The following RNF213 variants were observed in gnomAD, a reference collection of about 807,000 sequenced individuals.
The protein encoded by RNF213 is ring finger protein 213, also known as E3 ubiquitin-protein ligase RNF213.
Under a neutral mutation model 514.4 loss-of-function variants are expected in RNF213, and 341 were observed. The observed-to-expected ratio is 0.66, with a 90% confidence interval of 0.61 to 0.73. The LOEUF (loss-of-function observed/expected upper bound fraction) is 0.73, where lower values mean the gene tolerates loss of function less well. Ranked by LOEUF, RNF213 falls within the 30% of genes least tolerant of loss-of-function variation. RNF213 has a pLI of 0.00. For synonymous variants in RNF213, 2,655 were observed against 2,658.2 expected, an observed-to-expected ratio of 1.00 and a Z score of 0.04; for missense variants, 5,767 against 6,615.6, an observed-to-expected ratio of 0.87 and a Z score of 4.45.
chr17:80,351,957 C>T (rs574373417), intron 32 of RNF213, 154 bp downstream of exon 32: 27 of 526,234 alleles, frequency 5.1e-5, no homozygotes, highest in South Asian at 2.4e-4. Context: ...TGGGTTCAAG[C>T]GATTCTCCTG....
Position 80,332,232 on chromosome 17 carries a change from G to C in RNF213, c.3744G>C (p.Lys1248Asn). The change falls in exon 21 of 68, where the codon AAG (lysine) becomes AAC (asparagine). Residue 1248 changes from lysine (K) to asparagine (N), a missense_variant. This residue lies in a region of RNF213 where 516 missense variants were observed against 566.5 expected (regional missense o/e 0.91). Coordinates refer to ENST00000582970, the MANE Select transcript of RNF213 (RefSeq NM_001256071.3). Reference sequence around the variant, plus strand: ...CCGCAGAGCCGCTGAGTGAGCCTAAGGAGGACCAGGAAGCCGCAGAGTTGC... The same window carrying C: ...CCGCAGAGCCGCTGAGTGAGCCTAACGAGGACCAGGAAGCCGCAGAGTTGC... ...REAAEPLSEP[K>N]EDQEAAELLS... The C allele has an allele frequency of 1.3e-6, 2 of 1,537,222 alleles. No homozygotes were observed.
intron 54 of RNF213, among the ~76,000 whole-genome samples, chr17:80,378,494 C>G (rs2079853085): frequency 6.6e-6 from 1 of 152,122 alleles, no homozygotes; most frequent in Admixed American, 6.6e-5. Context: ...GGCTCTCTTA[C>G]CCAGGCTGGA....
chr17:80,385,158 C>G lies in RNF213; in HGVS notation c.14442C>G (p.Ser4814Arg), dbSNP rs61746605. The G allele has an allele frequency of 1.1e-3, 1,841 of 1,614,156 alleles. 23 individuals carry two copies. The African/African-American group carries it at 0.022, about 19-fold the overall frequency. ...ACAGCTCCATCAGAGGCTTCCTCAG[C>G]AAGCACAGCTCAGGTGTGGCTCTGC... The part of the protein sequence containing the change: ...VEYSSIRGFL[S>R]KHSSDGLRQL... Residue 4814 changes from serine (S) to arginine (R), a missense_variant, in exon 60 of 68, where the codon AGC becomes AGG. Ser to Arg is a moderately radical substitution (Grantham distance 110, BLOSUM62 -1). This residue lies in a region of RNF213 where 1,245 missense variants were observed against 1,339.0 expected (regional missense o/e 0.93). Transcript: ENST00000582970.
At chr17:80,374,984 TTAA>T (rs2079688591) in intron 50 of RNF213, 1 of 249,380 alleles carries the variant, frequency 4.0e-6, no homozygotes, top group Non-Finnish European at 8.1e-6. Context: ...GCATGTGTGT[TTAA>T]TAAAAATACA....
At chr17:80,298,220 C>T (rs751006111) in intron 10 of RNF213, 101 bp from the exon 11 acceptor site, 2 of 1,232,862 alleles carry the variant, frequency 1.6e-6, no homozygotes, top group Non-Finnish European at 2.3e-6. Flanking sequence ...GCTCCTCTTG[C>T]TCTGTGTGCA....
intron 67 of RNF213, 85 bp downstream of exon 67, chr17:80,390,281 C>A (rs777425765): frequency 7.0e-6 from 10 of 1,427,246 alleles, no homozygotes; most frequent in Non-Finnish European, 6.9e-6. Flanking sequence ...AAAAATAGTT[C>A]TTTTCTTACC....
rs1568155327 is a variant in RNF213, at chr17:80,375,769, A to AC, written c.13090dup (p.Gln4364ProfsTer14). On this transcript the variant is annotated frameshift_variant, in exon 51 of 68. Transcript: ENST00000582970. LOFTEE classifies it high-confidence loss of function. ...ACCCTTGATTTTGCAGGCCTGCAAG[A>AC]CCCCCCAAAGCCAGCAGTCAGCCTA... is the stretch of plus-strand genomic sequence containing the variant. 2.5e-6 allele frequency: 4 copies of AC among 1,612,790 alleles called. No individual in the cohort carries two copies. The highest frequency in any genetic ancestry group is 1.7e-6 in the Non-Finnish European group (2 of 1,179,256).
chr17:80,326,603 C>G (rs1271910182), intron 18 of RNF213, among the ~76,000 whole-genome samples: 1 of 152,184 alleles, frequency 6.6e-6, no homozygotes, highest in African/African-American at 2.4e-5. Flanking sequence ...TGCTCCACCC[C>G]TCCCATTTCC....
intron 39 of RNF213, among the ~76,000 whole-genome samples, chr17:80,362,759 A>C (rs2079102607): frequency 1.3e-5 from 2 of 152,364 alleles, no homozygotes; most frequent in East Asian, 3.9e-4. Context: ...TGCTTCGAAA[A>C]ATAAGAAATA....
chr17:80,393,756 G>A lies in RNF213; in HGVS notation c.*258G>A. 1 of 453,414 alleles carries A rather than the reference G, an allele frequency of 2.2e-6. No homozygotes were observed. Among genetic ancestry groups the A allele is most frequent in the Non-Finnish European group, 4.0e-6 (1 of 250,404 alleles). 28.1% of individuals were successfully genotyped at this position (453,414 alleles called of 1,614,324 possible). A position where few individuals can be genotyped will look rare whatever the true frequency, so the allele number is the denominator to read the frequency against. ...CTGTTCATTGAGAGATGACAATGAA[G>A]ATTAGATGAAATTGGAAATAAACCA... On this transcript the variant is annotated 3_prime_UTR_variant, in exon 68 of 68. Transcript: ENST00000582970.
chr17:80,325,029 G>A lies in RNF213; in HGVS notation c.3025-1G>A. On this transcript the variant is annotated splice_acceptor_variant, in intron 17 of 67. Transcript: ENST00000582970. LOFTEE classifies it high-confidence loss of function. Reference sequence around the variant, plus strand: ...TCCCTCTTTTATTAATTTTCTTGTAGTCTCAGACCAGTATCCTTCAGGGGT... The same window carrying A: ...TCCCTCTTTTATTAATTTTCTTGTAATCTCAGACCAGTATCCTTCAGGGGT... The A allele has an allele frequency of 6.5e-7, 1 of 1,536,826 alleles. No individual in the cohort carries two copies. The highest frequency in any genetic ancestry group is 8.7e-7 in the Non-Finnish European group (1 of 1,146,696).
In RNF213 at chr17:80,269,179, C is replaced by T. The variant is rs376828641; in HGVS notation, c.98-4062C>T. On this transcript the variant is annotated intron_variant, in intron 2 of 67. Transcript: ENST00000582970. The stretch of plus-strand genomic sequence containing the variant: ...TGGCAGCTGACTGGATGCTGCCCAC[C>T]CACATAGAGGGTGGGTCTTCCTCTC... 3.3e-5 allele frequency among the ~76,000 whole-genome samples: 5 copies of T among 152,074 alleles called. No individual in the cohort carries two copies. The East Asian group carries it at 7.7e-4, about 23-fold the overall frequency.
intron 7 of RNF213, 137 bp from the exon 8 acceptor site, chr17:80,291,491 G>A (rs2044727120): frequency 2.3e-6 from 2 of 854,796 alleles, no homozygotes; most frequent in Admixed American, 3.7e-5. Flanking sequence ...CCATGGTGTT[G>A]GGATTTCAGG....
At chr17:80,335,399 C>G (rs2077960825) in intron 22 of RNF213, among the ~76,000 whole-genome samples, 1 of 152,148 alleles carries the variant, frequency 6.6e-6, no homozygotes, top group Non-Finnish European at 1.5e-5. Context: ...CCACCACCTG[C>G]TGGATCTCAG....
chr17:80,369,414 A>AAG, intron 44 of RNF213, 88 bp from the exon 45 acceptor site: 2 of 1,278,646 alleles, frequency 1.6e-6, no homozygotes, highest in Non-Finnish European at 2.2e-6. Context: ...AAAAAAAAAA[A>AAG]GTGAAATGCT....
At chr17:80,333,079 C>T (rs927720788) in intron 21 of RNF213, among the ~76,000 whole-genome samples, 1 of 150,690 alleles carries the variant, frequency 6.6e-6, no homozygotes, top group Non-Finnish European at 1.5e-5. Context: ...GATGGAGTCT[C>T]GCTCTGTCGT....
At position 80,288,419 on chromosome 17, in the gene RNF213, C is replaced by A; in HGVS notation, c.810+56C>A. The A allele has an allele frequency of 1.2e-6, 2 of 1,604,184 alleles. No individual in the cohort carries two copies. Among genetic ancestry groups the A allele is most frequent in the South Asian group, 2.2e-5 (2 of 90,880 alleles). Reference sequence around the variant, plus strand: ...TGGCACTGAGCCCTCGGCACCTGGGCTCTGCTGCAAGGTGCTGGCGTTGCT... The same window carrying A: ...TGGCACTGAGCCCTCGGCACCTGGGATCTGCTGCAAGGTGCTGGCGTTGCT... On this transcript the variant is annotated intron_variant, in intron 4 of 67. Transcript: ENST00000582970. The surrounding 1 kb of genome is among the most constrained non-coding windows in gnomAD (Gnocchi z 4.9).
In RNF213 at chr17:80,390,086, C is replaced by G. The variant is rs766785127; in HGVS notation, c.15360C>G (p.Phe5120Leu). Residue 5120 changes from phenylalanine (F) to leucine (L), a missense_variant, in exon 67 of 68, where the codon TTC (phenylalanine) becomes TTG (leucine). Phe to Leu is a conservative substitution (Grantham distance 22). Transcript: ENST00000582970. ...AAAATGCTAAGCTCCTCAGCACATT[C>G]CTAAATCAGACTGGCCTAGACGCCT... ...SPENAKLLST[F>L]LNQTGLDAFL... 10 of 1,614,198 alleles carry G rather than the reference C, an allele frequency of 6.2e-6. No individual in the cohort carries two copies. The South Asian group carries it at 8.8e-5, about 14-fold the overall frequency.
rs1451344270 is a variant in RNF213, at chr17:80,343,577, G to T, written c.6183+252G>T. On this transcript the variant is annotated intron_variant, in intron 27 of 67. Coordinates refer to ENST00000582970, the MANE Select transcript of RNF213 (RefSeq NM_001256071.3). The surrounding 1 kb of genome is among the most constrained non-coding windows in gnomAD (Gnocchi z 4.3). ...CACAGGCTTTATGGTACACACTGTC[G>T]CTCCTAGGCCGCAAACCTGTGCTGC... Among the ~76,000 whole-genome samples the T allele has an allele frequency of 6.6e-6, 1 of 152,180 alleles. No individual in the cohort carries two copies. Among genetic ancestry groups the T allele is most frequent in the Admixed American group, 6.5e-5 (1 of 15,280 alleles).
Sources: allele counts gnomAD v4.1 joint callset (sites outside exome capture counted in the v4.1 genomes callset), GRCh38; gene constraint gnomAD v4.1.1; regional missense constraint gnomAD v4.1.1; non-coding constraint Gnocchi (gnomAD v3.1); transcripts MANE v1.5; gene names NCBI Gene and HGNC (gene_info 2026-07-23, HGNC 2026-07-21).